DYM: variants seen among roughly 807,000 people sequenced by gnomAD.
The protein encoded by DYM is dymeclin.
DYM carries 78 observed loss-of-function variants against 93.1 expected under a neutral mutation model. The ratio of observed to expected loss-of-function variants is 0.84; its 90% CI spans 0.70 to 1.01. DYM has a LOEUF of 1.01. Ranked by LOEUF, DYM falls within the 50% of genes least tolerant of loss-of-function variation. DYM has a pLI of 0.00. For missense variants in DYM, 789 were observed against 845.0 expected, an observed-to-expected ratio of 0.93 and a Z score of 0.82; for synonymous variants, 321 against 319.7, an observed-to-expected ratio of 1.00 and a Z score of -0.04.
intron 15 of DYM, among the ~76,000 whole-genome samples, chr18:49,142,983 C>G (rs2084692409): frequency 6.6e-6 from 1 of 152,154 alleles, no homozygotes; most frequent in African/African-American, 2.4e-5. Context: ...CAATTTCGTT[C>G]AGGAAGAATA....
chr18:49,062,152 T>C (rs1025833288), intron 17 of DYM, among the ~76,000 whole-genome samples: 3 of 152,194 alleles, frequency 2.0e-5, no homozygotes, highest in African/African-American at 7.2e-5. Flanking sequence ...CCTGCCTTTA[T>C]CTTCAAAGGT....
In DYM at chr18:49,042,543, G is replaced by A. The variant is rs1196615365; in HGVS notation, c.*1512C>T. On this transcript the variant is annotated 3_prime_UTR_variant, in exon 18 of 18. Transcript: ENST00000675505. Reference sequence around the variant, plus strand: ...GAGAATGGTTCCTCCGAGGCCCTCGGAAGATTTGATGGACTCAAATAACAC... The same window carrying A: ...GAGAATGGTTCCTCCGAGGCCCTCGAAAGATTTGATGGACTCAAATAACAC... The A allele has an allele frequency of 1.3e-5, 2 of 152,264 alleles. No homozygotes were observed. The highest frequency in any genetic ancestry group is 4.8e-5 in the African/African-American group (2 of 41,448). The allele number at this position is 152,264 out of a possible 1,614,324, so 9.4% of individuals were successfully genotyped here.
Position 49,080,190 on chromosome 18 carries a change from C to T in DYM, c.2025+17212G>A, listed in dbSNP as rs374913894. On this transcript the variant is annotated intron_variant, in intron 17 of 17. Transcript: ENST00000675505. ...CCCCCCACCTCCCTCCCGGACGGGG[C>T]GTCTGGCCGGGTGGGGGGCTGACCC... Among the ~76,000 whole-genome samples, 12 of 85,246 alleles carry T rather than the reference C, an allele frequency of 1.4e-4. No individual in the cohort carries two copies. In the South Asian group the frequency reaches 5.8e-3, roughly 41 times the overall value. The allele number at this position is 85,246 out of a possible 152,430, so 55.9% of individuals were successfully genotyped here. A position where few individuals can be genotyped will look rare whatever the true frequency, so the allele number is the denominator to read the frequency against.
intron 8 of DYM, among the ~76,000 whole-genome samples, chr18:49,290,570 T>G (rs1002316278): frequency 6.6e-6 from 1 of 152,118 alleles, no homozygotes; most frequent in East Asian, 1.9e-4. Flanking sequence ...CAGAAAAATA[T>G]AGATCCCATT....
rs193180912 is a variant in DYM at position 49,129,492 on chromosome 18, C to G, written c.1729-10566G>C. Among the ~76,000 whole-genome samples the G allele has an allele frequency of 1.4e-3, 213 of 152,310 alleles. 1 individual carries two copies. Among genetic ancestry groups the G allele is most frequent in the African/African-American group, 5.0e-3 (207 of 41,564 alleles). ...AGGAAAGAAGGAACACAAACATTCA[C>G]CTTTGGCTGAGCATGCAAGGAAGAA... On this transcript the variant is annotated intron_variant, in intron 15 of 17. Coordinates refer to ENST00000675505, the MANE Select transcript of DYM (RefSeq NM_001353214.3).
At chr18:49,204,582 G>A (rs1341633931) in intron 14 of DYM, among the ~76,000 whole-genome samples, 1 of 152,168 alleles carries the variant, frequency 6.6e-6, no homozygotes, top group Non-Finnish European at 1.5e-5. Context: ...CTTAAAATTG[G>A]ACGTGGAACT....
intron 14 of DYM, among the ~76,000 whole-genome samples, chr18:49,198,507 T>C (rs1486921656): frequency 6.6e-6 from 1 of 152,036 alleles, no homozygotes; most frequent in Non-Finnish European, 1.5e-5. Context: ...ATATCCAAAA[T>C]CTACAAAGAA....
At chr18:49,162,428 G>A (rs1439476575) in intron 15 of DYM, among the ~76,000 whole-genome samples, 3 of 152,170 alleles carry the variant, frequency 2.0e-5, no homozygotes. Context: ...TAACATGCTA[G>A]CTCAAGTCTC....
At position 49,055,976 on chromosome 18, in the gene DYM, T is replaced by G. The variant is rs111884335; in HGVS notation, c.2026-11772A>C. The stretch of plus-strand genomic sequence containing the variant: ...GCTTCCCGCTGCTGGCCAGTGAGGA[T>G]GGAGGTGGTGACACTGCCACGGCAG... On this transcript the variant is annotated intron_variant, in intron 17 of 17. Transcript: ENST00000675505. 9.8e-3 allele frequency among the ~76,000 whole-genome samples: 1,493 copies of G among 152,068 alleles called. 36 individuals are homozygous for G. The highest frequency in any genetic ancestry group is 0.068 in the South Asian group (328 of 4,808).
At chr18:49,313,226 G>T (rs997202445) in intron 8 of DYM, among the ~76,000 whole-genome samples, 5 of 152,006 alleles carry the variant, frequency 3.3e-5, no homozygotes, top group African/African-American at 1.2e-4. Context: ...AGCACTTTGG[G>T]AGGCCGAGGC....
intron 17 of DYM, among the ~76,000 whole-genome samples, chr18:49,081,119 T>C (rs2077961049): frequency 6.6e-6 from 1 of 150,932 alleles, no homozygotes; most frequent in African/African-American, 2.4e-5. Context: ...GGGCAGAGGC[T>C]GCAATCTCGG....
chr18:49,265,227 G>C (rs757928037), intron 11 of DYM, among the ~76,000 whole-genome samples: 4 of 152,128 alleles, frequency 2.6e-5, no homozygotes, highest in Non-Finnish European at 4.4e-5. Flanking sequence ...GATGATAAAG[G>C]AGAAAACCCG....
intron 8 of DYM, among the ~76,000 whole-genome samples, chr18:49,310,015 A>G (rs2061496923): frequency 6.6e-6 from 1 of 152,236 alleles, no homozygotes; most frequent in Non-Finnish European, 1.5e-5. Context: ...GGACGCGTGC[A>G]GCACCAAGAC....
rs557803655 is a variant in DYM at position 49,304,454 on chromosome 18, T to C, written c.764-17838A>G. Among the ~76,000 whole-genome samples, 231 of 152,228 alleles carry C rather than the reference T, an allele frequency of 1.5e-3. 2 individuals are homozygous for C. Among genetic ancestry groups the C allele is most frequent in the Non-Finnish European group, 2.0e-3 (133 of 68,044 alleles). On this transcript the variant is annotated intron_variant, in intron 8 of 17. Transcript: ENST00000675505. ...ATCCCAGCCCTTCCACTGAGCCTTC[T>C]GGAGCACACATTTTCATTAGGAAAA...
rs1377833551 is a variant in DYM, at chr18:49,039,504, CT to C, written c.*4550del. On this transcript the variant is annotated 3_prime_UTR_variant, in exon 18 of 18. Coordinates refer to ENST00000675505, the MANE Select transcript of DYM (RefSeq NM_001353214.3). ...TGTTTAAATATTCCTTTCTTCTACT[CT>C]TTTGAGATGCCAACTACCCTGCATG... Among the ~76,000 whole-genome samples, 1 of 152,112 alleles carries C rather than the reference CT, an allele frequency of 6.6e-6. No homozygotes were observed. The highest frequency in any genetic ancestry group is 1.5e-5 in the Non-Finnish European group (1 of 68,016).
At chr18:49,387,633 A>G (rs1320547293) in intron 3 of DYM, among the ~76,000 whole-genome samples, 1 of 152,196 alleles carries the variant, frequency 6.6e-6, no homozygotes, top group East Asian at 1.9e-4. Flanking sequence ...TTAAAGTCTC[A>G]GATGATGTGT....
At chr18:49,369,045 G>A (rs957474608) in intron 5 of DYM, among the ~76,000 whole-genome samples, 12 of 152,358 alleles carry the variant, frequency 7.9e-5, no homozygotes, top group Non-Finnish European at 1.5e-4. Context: ...CCTGCCAAAC[G>A]GCGGTTCCCA....
intron 13 of DYM, among the ~76,000 whole-genome samples, chr18:49,254,325 T>TATATATATATATATATACAC (rs1279388698): frequency 1.4e-5 from 2 of 138,624 alleles, no homozygotes; most frequent in African/African-American, 5.6e-5. Flanking sequence ...TATATATATA[T>TATATATATATATATATACAC]ACACACATAG....
At chr18:49,414,388 C>T (rs1339905836) in intron 2 of DYM, among the ~76,000 whole-genome samples, 1 of 151,636 alleles carries the variant, frequency 6.6e-6, no homozygotes, top group Non-Finnish European at 1.5e-5. Context: ...TATTTTACCA[C>T]AATAAAAAAA....
Sources: gnomAD v4.1 joint callset for allele counts (sites outside exome capture counted in the v4.1 genomes callset) on GRCh38, gnomAD v4.1.1 for gene constraint, MANE v1.5 for transcripts, NCBI Gene and HGNC (gene_info 2026-07-23, HGNC 2026-07-21) for gene names.